SPRED2: variants seen among roughly 807,000 people sequenced by gnomAD.
The protein encoded by SPRED2 is sprouty-related, EVH1 domain-containing protein 2.
Under a neutral mutation model 43.0 loss-of-function variants are expected in SPRED2, and 47 were observed. That is an observed-to-expected ratio of 1.09 (90% CI 0.87 to 1.40). SPRED2 has a LOEUF of 1.40. Ranked by LOEUF, SPRED2 falls within the 40% of genes most tolerant of loss-of-function variation. The pLI is 0.00. For missense variants in SPRED2, 561 were observed against 586.4 expected (o/e 0.96, Z 0.45); for synonymous variants, 225 against 225.7 (o/e 1.00, Z 0.03).
intron 3 of SPRED2, among the ~76,000 whole-genome samples, chr2:65,332,585 C>G (rs1303361013): frequency 6.6e-6 from 1 of 152,184 alleles, no homozygotes. Flanking sequence ...ATTTCTAAAT[C>G]CCAAATTGTG....
chr2:65,317,565 A>C (rs2104124559), intron 4 of SPRED2, among the ~76,000 whole-genome samples: 1 of 143,906 alleles, frequency 6.9e-6, no homozygotes, highest in South Asian at 2.2e-4. Flanking sequence ...CAACAAAAAC[A>C]AAACATAAAT....
chr2:65,422,104 A>ACACTCTCT (rs1299857849), intron 1 of SPRED2, among the ~76,000 whole-genome samples: 28 of 129,034 alleles, frequency 2.2e-4, no homozygotes, highest in Non-Finnish European at 3.5e-4. Flanking sequence ...ACACACACAC[A>ACACTCTCT]CTCTCTCTCT....
chr2:65,310,579 C>T (rs373302519), downstream of SPRED2, among the ~76,000 whole-genome samples: 1 of 151,944 alleles, frequency 6.6e-6, no homozygotes, highest in Non-Finnish European at 1.5e-5. Flanking sequence ...GAGGAGCGCT[C>T]GTTGGGGAAG....
chr2:65,316,997 G>T, intron 4 of SPRED2, 114 bp from the exon 5 acceptor site: 3 of 1,140,534 alleles, frequency 2.6e-6, no homozygotes, highest in Non-Finnish European at 3.7e-6. Flanking sequence ...GTGGCAATTT[G>T]CTGCTCTTCC....
intron 1 of SPRED2, among the ~76,000 whole-genome samples, chr2:65,415,630 G>A (rs1676254277): frequency 1.3e-5 from 2 of 151,910 alleles, no homozygotes; most frequent in Non-Finnish European, 2.9e-5. Flanking sequence ...GAAAATTTCT[G>A]AAAACATTAA....
intron 5 of SPRED2, 88 bp downstream of exon 5, chr2:65,316,646 G>C: frequency 6.7e-7 from 1 of 1,482,656 alleles, no homozygotes; most frequent in South Asian, 1.3e-5. Flanking sequence ...TGTGGTCATG[G>C]AATTTGGCTG....
chr2:65,383,187 C>G (rs1675416459), intron 1 of SPRED2, among the ~76,000 whole-genome samples: 2 of 152,318 alleles, frequency 1.3e-5, no homozygotes, highest in African/African-American at 4.8e-5. Flanking sequence ...TGGACCGGGC[C>G]GATGAGTAAA....
intron 4 of SPRED2, among the ~76,000 whole-genome samples, chr2:65,331,177 A>C (rs540619079): frequency 6.6e-6 from 1 of 152,150 alleles, no homozygotes; most frequent in Non-Finnish European, 1.5e-5. Context: ...GCACTTTGAG[A>C]AGCTGAAGTT....
chr2:65,329,395 A>C (rs911161917), intron 4 of SPRED2, among the ~76,000 whole-genome samples: 1 of 152,238 alleles, frequency 6.6e-6, no homozygotes, highest in African/African-American at 2.4e-5. Flanking sequence ...GAAAGGAGGT[A>C]CTATTGTTAA....
intron 1 of SPRED2, among the ~76,000 whole-genome samples, chr2:65,418,848 C>T (rs2103787746): frequency 6.7e-6 from 1 of 150,098 alleles, no homozygotes; most frequent in African/African-American, 2.5e-5. Flanking sequence ...AGCCACCGCA[C>T]CTGGCCTTTA....
intron 4 of SPRED2, among the ~76,000 whole-genome samples, chr2:65,330,300 A>C (rs1315929807): frequency 6.6e-6 from 1 of 152,250 alleles, no homozygotes; most frequent in Non-Finnish European, 1.5e-5. Context: ...TGCACCCAAT[A>C]TATTAAAATA....
At chr2:65,375,357 T>G (rs1487455155) in intron 1 of SPRED2, among the ~76,000 whole-genome samples, 1 of 152,208 alleles carries the variant, frequency 6.6e-6, no homozygotes, top group Non-Finnish European at 1.5e-5. Context: ...CCACTGTGTG[T>G]ATAGCCCTAT....
chr2:65,360,803 G>C (rs1318016415), intron 1 of SPRED2, among the ~76,000 whole-genome samples: 1 of 152,204 alleles, frequency 6.6e-6, no homozygotes, highest in Non-Finnish European at 1.5e-5. Context: ...AAATGGTTAA[G>C]ATGATATACG....
Position 65,314,095 on chromosome 2 carries a change from C to T in SPRED2, c.663G>A (p.Glu221=). Residue 221 remains glutamate, a synonymous_variant, in exon 6 of 6, where the codon GAG becomes GAA. Coordinates refer to ENST00000356388, the MANE Select transcript of SPRED2 (RefSeq NM_181784.3). ...DEEIVRINPR[E]KIWMTGYEDY... is the part of the protein sequence containing the mutation. ...CCTCGTACCCCGTCATCCAGATCTT[C>T]TCCCGGGGGTTGATGCGCACGATCT... 6.2e-7 allele frequency: 1 copy of T among 1,613,634 alleles called. No homozygotes were observed. Among genetic ancestry groups the T allele is most frequent in the Non-Finnish European group, 8.5e-7 (1 of 1,179,560 alleles).
intron 2 of SPRED2, among the ~76,000 whole-genome samples, chr2:65,341,081 GAGGA>G (rs1233165805): frequency 6.9e-6 from 1 of 145,230 alleles, no homozygotes; most frequent in Non-Finnish European, 1.5e-5. Context: ...GAGAGAGAGA[GAGGA>G]AGGGAGACTG....
chr2:65,322,270 CTA>C (rs68086040), intron 4 of SPRED2, among the ~76,000 whole-genome samples: 576 of 36,368 alleles, frequency 0.016, 3 homozygotes, highest in Middle Eastern at 0.043. Context: ...CTCTCTCTCT[CTA>C]TATATATATA....
At chr2:65,404,129 C>T (rs992151792) in intron 1 of SPRED2, among the ~76,000 whole-genome samples, 2 of 151,822 alleles carry the variant, frequency 1.3e-5, no homozygotes, top group African/African-American at 4.8e-5. Flanking sequence ...TCTTGAACGC[C>T]CAGGAGACGG....
At chr2:65,347,950 C>T (rs1674400575) in intron 1 of SPRED2, among the ~76,000 whole-genome samples, 1 of 152,142 alleles carries the variant, frequency 6.6e-6, no homozygotes, top group South Asian at 2.1e-4. Context: ...AACTGGCATC[C>T]TTGCTTCCAC....
At chr2:65,385,345 T>C (rs1233956886) in intron 1 of SPRED2, among the ~76,000 whole-genome samples, 1 of 152,152 alleles carries the variant, frequency 6.6e-6, no homozygotes, top group Admixed American at 6.5e-5. Context: ...AAATTAAAAA[T>C]TTCCTAAGAT....
Sources: gnomAD v4.1 joint callset for allele counts (sites outside exome capture counted in the v4.1 genomes callset) on GRCh38, gnomAD v4.1.1 for gene constraint, MANE v1.5 for transcripts, NCBI Gene and HGNC (gene_info 2026-07-23, HGNC 2026-07-21) for gene names.